Variants in RBL2 observed in about 807,000 individuals in gnomAD.
RBL2 encodes retinoblastoma-like protein 2.
Under a neutral mutation model 126.0 loss-of-function variants are expected in RBL2, and 56 were observed. The ratio of observed to expected loss-of-function variants is 0.44; its 90% CI spans 0.36 to 0.56. The LOEUF (loss-of-function observed/expected upper bound fraction) is 0.56. Ranked by LOEUF, RBL2 falls within the 20% of genes least tolerant of loss-of-function variation. The pLI, the probability that RBL2 is intolerant of heterozygous loss-of-function variation, is 0.00. For synonymous variants in RBL2, 454 were observed against 478.5 expected, an observed-to-expected ratio of 0.95 and a Z score of 0.67; for missense variants, 1,229 against 1,398.2, an observed-to-expected ratio of 0.88 and a Z score of 1.93.
chr16:53,478,094 G>A (rs576165684), intron 17 of RBL2, among the ~76,000 whole-genome samples: 2 of 152,256 alleles, frequency 1.3e-5, no homozygotes, highest in East Asian at 3.9e-4. Flanking sequence ...AAAATCTTGA[G>A]TAACTTTTTA....
chr16:53,476,094 G>C (rs567969683), intron 17 of RBL2, among the ~76,000 whole-genome samples: 2 of 151,910 alleles, frequency 1.3e-5, no homozygotes, highest in African/African-American at 4.8e-5. Context: ...AAAGTGCTGG[G>C]ATTACAGGTG....
At position 53,480,240 on chromosome 16, in the gene RBL2, A is replaced by C. The variant is rs139254827; in HGVS notation, c.2881+249A>C. The C allele has an allele frequency of 9.6e-4, 509 of 530,958 alleles. 1 individual carries two copies. The highest frequency in any genetic ancestry group is 8.4e-3 in the African/African-American group (441 of 52,646). 32.9% of individuals were successfully genotyped at this position (530,958 alleles called of 1,614,324 possible). On this transcript the variant is annotated intron_variant, in intron 19 of 21. Coordinates refer to ENST00000262133, the MANE Select transcript of RBL2 (RefSeq NM_005611.4). Reference sequence around the variant, plus strand: ...GGAATCTGCTTGCCTGAGTTCCAGAAAGGTCTGATATGTCAATTGGAACCA... The same window carrying C: ...GGAATCTGCTTGCCTGAGTTCCAGACAGGTCTGATATGTCAATTGGAACCA...
intron 11 of RBL2, among the ~76,000 whole-genome samples, chr16:53,463,428 G>A (rs1427806196): frequency 6.6e-6 from 1 of 151,472 alleles, no homozygotes; most frequent in East Asian, 1.9e-4. Flanking sequence ...CCAGATTCAA[G>A]TGATTCTTGA....
intron 5 of RBL2, among the ~76,000 whole-genome samples, 181 bp from the exon 6 acceptor site, chr16:53,453,271 T>G (rs2058133129): frequency 6.6e-6 from 1 of 152,222 alleles, no homozygotes; most frequent in Non-Finnish European, 1.5e-5. Context: ...ATGATACACT[T>G]TACTTCTATT....
intron 3 of RBL2, 96 bp downstream of exon 3, chr16:53,442,954 A>G: frequency 1.0e-6 from 1 of 959,184 alleles, no homozygotes; most frequent in East Asian, 2.9e-5. Flanking sequence ...TAAAAAAGAA[A>G]TAAGATTTAA....
chr16:53,490,373 C>A lies in RBL2; in HGVS notation c.*73C>A. On this transcript the variant is annotated 3_prime_UTR_variant, in exon 22 of 22. Coordinates refer to ENST00000262133, the MANE Select transcript of RBL2 (RefSeq NM_005611.4). ...CCTTTAATGCATCTAGATTATGGAGCTTTTTTCCTTAATCCAGCTGATGAG... is the reference window on the plus strand; with the variant it reads ...CCTTTAATGCATCTAGATTATGGAGATTTTTTCCTTAATCCAGCTGATGAG... The A allele has an allele frequency of 1.5e-6, 2 of 1,338,346 alleles. No homozygotes were observed. The highest frequency in any genetic ancestry group is 1.0e-6 in the Non-Finnish European group (1 of 992,342). The allele number at this position is 1,338,346 out of a possible 1,614,324, so 82.9% of individuals were successfully genotyped here. A position where few individuals can be genotyped will look rare whatever the true frequency, so the allele number is the denominator to read the frequency against.
Position 53,434,739 on chromosome 16 carries a change from G to A in RBL2, c.183G>A (p.Ala61=). 6.5e-7 allele frequency: 1 copy of A among 1,544,686 alleles called. No individual in the cohort carries two copies. Among genetic ancestry groups the A allele is most frequent in the Middle Eastern group, 1.8e-4 (1 of 5,696 alleles). Residue 61 remains alanine (A), a synonymous_variant, in exon 1 of 22, where the codon GCG becomes GCA. Coordinates refer to ENST00000262133, the MANE Select transcript of RBL2 (RefSeq NM_005611.4). ...ELCSRLNMDE[A]ARAEAWDSYR... ...GCAGCCGCCTCAACATGGACGAGGCGGCGCGGGCCGAGGCCTGGGACAGCT... is the reference window on the plus strand; with the variant it reads ...GCAGCCGCCTCAACATGGACGAGGCAGCGCGGGCCGAGGCCTGGGACAGCT...
Position 53,454,762 on chromosome 16 carries a change from A to G in RBL2, c.1099A>G (p.Arg367Gly). 6.2e-7 allele frequency: 1 copy of G among 1,614,124 alleles called. No homozygotes were observed. Among genetic ancestry groups the G allele is most frequent in the South Asian group, 1.1e-5 (1 of 91,078 alleles). Residue 367 changes from arginine (R) to glycine (G), a missense_variant, in exon 8 of 22, where the codon AGG becomes GGG. Arg to Gly is a moderately radical substitution (Grantham distance 125). Coordinates refer to ENST00000262133, the MANE Select transcript of RBL2 (RefSeq NM_005611.4). Reference sequence around the variant, plus strand: ...TGAGGAGGAAATTGGGACTCTCTCAAGGTGTCTGAACGCTGGTTCAGGAAC... The same window carrying G: ...TGAGGAGGAAATTGGGACTCTCTCAGGGTGTCTGAACGCTGGTTCAGGAAC... Reference protein sequence around the residue: ...DAEEEIGTLSRCLNAGSGTET... With the variant: ...DAEEEIGTLSGCLNAGSGTET...
At chr16:53,455,477 AGGTT>A (rs1333756302) in intron 8 of RBL2, among the ~76,000 whole-genome samples, 1 of 152,230 alleles carries the variant, frequency 6.6e-6, no homozygotes, top group Non-Finnish European at 1.5e-5. Flanking sequence ...TTTATATGTC[AGGTT>A]GTGTCCTGGA....
intron 21 of RBL2, among the ~76,000 whole-genome samples, chr16:53,484,513 G>C (rs1043224272): frequency 2.0e-5 from 3 of 152,166 alleles, no homozygotes; most frequent in Admixed American, 6.5e-5. Flanking sequence ...CAATAAAAAG[G>C]ATGAAGTACT....
At chr16:53,480,538 A>C in intron 19 of RBL2, 29 bp from the exon 20 acceptor site, 1 of 1,592,314 alleles carries the variant, frequency 6.3e-7, no homozygotes, top group Non-Finnish European at 8.6e-7. Context: ...CAGCCTTTGT[A>C]CTGACAGCCT....
chr16:53,490,302 G>A lies in RBL2; in HGVS notation c.*2G>A, dbSNP rs1961366364. ...GCTAATGACCGTGGTTCCCACTGAG[G>A]TTAGTCTCTTGTATTAAACTCTTCA... On this transcript the variant is annotated 3_prime_UTR_variant, in exon 22 of 22. Transcript: ENST00000262133. 6.3e-7 allele frequency: 1 copy of A among 1,596,474 alleles called. No homozygotes were observed. Among genetic ancestry groups the A allele is most frequent in the Non-Finnish European group, 8.6e-7 (1 of 1,169,498 alleles).
At chr16:53,446,588 A>T (rs542328788) in intron 3 of RBL2, among the ~76,000 whole-genome samples, 8 of 152,260 alleles carry the variant, frequency 5.3e-5, no homozygotes, top group East Asian at 3.9e-4. Flanking sequence ...GGAAGCTCAT[A>T]ATTTACATTA....
chr16:53,454,777 G>A lies in RBL2; in HGVS notation c.1114G>A (p.Gly372Ser). ...IGTLSRCLNA[G>S]SGTETAERVQ... Reference sequence around the variant, plus strand: ...GACTCTCTCAAGGTGTCTGAACGCTGGTTCAGGAACAGAGACTGCTGAAAG... The same window carrying A: ...GACTCTCTCAAGGTGTCTGAACGCTAGTTCAGGAACAGAGACTGCTGAAAG... Residue 372 changes from glycine to serine, a missense_variant, in exon 8 of 22, where the codon GGT (glycine) becomes AGT (serine). Gly to Ser is a moderately conservative substitution (Grantham distance 56). Coordinates refer to ENST00000262133, the MANE Select transcript of RBL2 (RefSeq NM_005611.4). 6.2e-7 allele frequency: 1 copy of A among 1,614,002 alleles called. No individual in the cohort carries two copies. The highest frequency in any genetic ancestry group is 8.5e-7 in the Non-Finnish European group (1 of 1,179,958).
At chr16:53,465,842 T>A (rs573963260) in intron 13 of RBL2, 88 of 313,466 alleles carry the variant, frequency 2.8e-4, no homozygotes, top group African/African-American at 1.7e-3. Flanking sequence ...AAGACTTACA[T>A]ATGGAGGAGG....
chr16:53,489,546 C>T (rs1961316967), intron 21 of RBL2: 1 of 152,168 alleles, frequency 6.6e-6, no homozygotes, highest in East Asian at 1.9e-4. Flanking sequence ...AATTGCAGCT[C>T]CTCATCTGAG....
Position 53,442,677 on chromosome 16 carries a change from A to G in RBL2, c.391A>G (p.Lys131Glu). 6.2e-7 allele frequency: 1 copy of G among 1,612,488 alleles called. No individual in the cohort carries two copies. The highest frequency in any genetic ancestry group is 8.5e-7 in the Non-Finnish European group (1 of 1,179,160). Residue 131 changes from lysine (K) to glutamate (E), a missense_variant, in exon 3 of 22, where the codon AAG (lysine) becomes GAG (glutamate). This residue lies in a region of RBL2 where 1,070 missense variants were observed against 1,274.3 expected (regional missense o/e 0.84). Transcript: ENST00000262133. ...TACCAGCTTAATCGAATTTTTTAAT[A>G]AGATGAAGAAGTGGGAAGACATGGC... ...SEQSLIEFFN[K>E]MKKWEDMANL...
At position 53,453,768 on chromosome 16, in the gene RBL2, T is replaced by A; in HGVS notation, c.991T>A (p.Phe331Ile). 1 of 1,595,872 alleles carries A rather than the reference T, an allele frequency of 6.3e-7. No homozygotes were observed. The highest frequency in any genetic ancestry group is 1.9e-4 in the Middle Eastern group (1 of 5,292). Residue 331 changes from phenylalanine (F) to isoleucine (I), a missense_variant and splice_region_variant, in exon 7 of 22, where the codon TTT becomes ATT. Coordinates refer to ENST00000262133, the MANE Select transcript of RBL2 (RefSeq NM_005611.4). ...AGAACCTGGGAACTTTGGAGAGAGT[T>A]TGTGAGTACTTCTGTATAAAATGTT... ...FLEPGNFGES[F>I]KAINKAYEEY...
chr16:53,475,772 T>C (rs1567743936), intron 17 of RBL2, among the ~76,000 whole-genome samples: 2 of 151,636 alleles, frequency 1.3e-5, no homozygotes, highest in African/African-American at 2.4e-5. Flanking sequence ...ATATCTTTTT[T>C]CCCCAAATCC....
Sources: gnomAD v4.1 joint callset for allele counts (sites outside exome capture counted in the v4.1 genomes callset) on GRCh38, gnomAD v4.1.1 for gene constraint, gnomAD v4.1.1 regional missense constraint, MANE v1.5 for transcripts, NCBI Gene and HGNC (gene_info 2026-07-23, HGNC 2026-07-21) for gene names.